KCNT2: variants seen among roughly 807,000 people sequenced by gnomAD.
The protein encoded by KCNT2 is potassium channel subfamily T member 2.
A neutral mutation model predicts 153.8 loss-of-function variants in KCNT2; 67 were observed. That is an observed-to-expected ratio of 0.44 (90% confidence interval 0.36 to 0.53). The LOEUF (loss-of-function observed/expected upper bound fraction) is 0.53, where lower values mean the gene tolerates loss of function less well. KCNT2 is among the 20% of genes least tolerant of loss of function. KCNT2 has a pLI of 0.00. For missense variants in KCNT2, 975 were observed against 1,354.8 expected (o/e 0.72, Z 4.40); for synonymous variants, 500 against 458.8 (o/e 1.09, Z -1.15).
intron 13 of KCNT2, among the ~76,000 whole-genome samples, chr1:196,375,724 T>C (rs568819145): frequency 1.3e-5 from 2 of 151,854 alleles, no homozygotes; most frequent in East Asian, 3.9e-4. Context: ...TTCAAAATAG[T>C]GTAGGAAGTG....
intron 3 of KCNT2, among the ~76,000 whole-genome samples, chr1:196,482,948 G>T (rs1166686623): frequency 5.9e-5 from 9 of 151,980 alleles, no homozygotes; most frequent in Admixed American, 3.3e-4. Flanking sequence ...TGATAAAAAG[G>T]CTTATGCTCT....
intron 1 of KCNT2, among the ~76,000 whole-genome samples, chr1:196,512,249 C>G (rs146936842): frequency 1.3e-5 from 2 of 152,270 alleles, no homozygotes; most frequent in East Asian, 3.9e-4. Context: ...TCAGCTGGCT[C>G]TTTCTGCTCT....
At chr1:196,322,180 C>T (rs529788387) in intron 19 of KCNT2, among the ~76,000 whole-genome samples, 8 of 151,884 alleles carry the variant, frequency 5.3e-5, no homozygotes, top group South Asian at 4.2e-4. Context: ...GGCTTATTTA[C>T]GTTGGGAATT....
chr1:196,434,383 A>G (rs1342627140), intron 8 of KCNT2, among the ~76,000 whole-genome samples: 1 of 152,052 alleles, frequency 6.6e-6, no homozygotes, highest in African/African-American at 2.4e-5. Flanking sequence ...TATAGTTAAA[A>G]TGTATATTTC....
chr1:196,495,764 T>C (rs1031206897), intron 1 of KCNT2, among the ~76,000 whole-genome samples: 1 of 152,192 alleles, frequency 6.6e-6, no homozygotes, highest in Admixed American at 6.5e-5. Context: ...TTTAAAGTAA[T>C]TTTGTTACAT....
chr1:196,536,619 G>C (rs1655608892), intron 1 of KCNT2, among the ~76,000 whole-genome samples: 1 of 152,168 alleles, frequency 6.6e-6, no homozygotes, highest in Non-Finnish European at 1.5e-5. Flanking sequence ...CTTATACTCA[G>C]CATACTCCAC....
intron 22 of KCNT2, among the ~76,000 whole-genome samples, chr1:196,290,710 A>C (rs957653431): frequency 1.2e-4 from 18 of 151,958 alleles, no homozygotes; most frequent in Admixed American, 1.1e-3. Flanking sequence ...AAGGTCAGTT[A>C]TTTCCCAGAA....
chr1:196,283,572 C>T (rs142430596), intron 23 of KCNT2, among the ~76,000 whole-genome samples: 1 of 152,182 alleles, frequency 6.6e-6, no homozygotes, highest in African/African-American at 2.4e-5. Context: ...TCTTTACAGA[C>T]ACAGACCATT....
intron 4 of KCNT2, among the ~76,000 whole-genome samples, chr1:196,480,742 G>A (rs1432330076): frequency 6.6e-6 from 1 of 150,702 alleles, no homozygotes; most frequent in East Asian, 2.0e-4. Context: ...TGTAGTCCCA[G>A]CTACTCCGGA....
chr1:196,258,120 T>G, intron 26 of KCNT2, 74 bp downstream of exon 26: 2 of 1,521,388 alleles, frequency 1.3e-6, no homozygotes, highest in Non-Finnish European at 1.8e-6. Context: ...CTTTATTAAA[T>G]TAGAACCAAC....
chr1:196,272,030 G>A (rs1333552547), intron 25 of KCNT2, among the ~76,000 whole-genome samples: 1 of 151,858 alleles, frequency 6.6e-6, no homozygotes, highest in Admixed American at 6.6e-5. Context: ...CTTCTACCTT[G>A]TGAAATGATA....
chr1:196,381,178 T>C (rs565463179), intron 13 of KCNT2, among the ~76,000 whole-genome samples: 2 of 152,264 alleles, frequency 1.3e-5, no homozygotes, highest in South Asian at 2.1e-4. Context: ...ACAATAAATA[T>C]AATCTTTTTT....
At chr1:196,447,608 G>T (rs1419664866) in intron 8 of KCNT2, among the ~76,000 whole-genome samples, 1 of 151,562 alleles carries the variant, frequency 6.6e-6, no homozygotes, top group East Asian at 2.0e-4. Context: ...TGCAGAGCTG[G>T]ATGTAAAGAT....
intron 26 of KCNT2, among the ~76,000 whole-genome samples, chr1:196,236,333 G>A (rs946788265): frequency 2.0e-4 from 30 of 151,392 alleles, no homozygotes; most frequent in South Asian, 1.2e-3. Flanking sequence ...ATAGTTTACC[G>A]TTTATTACAC....
At chr1:196,340,271 G>T (rs1665489860) in intron 16 of KCNT2, 70 bp downstream of exon 16, 2 of 936,038 alleles carry the variant, frequency 2.1e-6, no homozygotes, top group Non-Finnish European at 3.1e-6. Flanking sequence ...AAATTTAAAT[G>T]CATTGGTATT....
At chr1:196,489,968 A>C in intron 2 of KCNT2, 31 bp from the exon 3 acceptor site, 1 of 1,038,786 alleles carries the variant, frequency 9.6e-7, no homozygotes, top group Admixed American at 2.6e-5. Flanking sequence ...TTTGATTTTC[A>C]TCTGAACTTA....
intron 13 of KCNT2, among the ~76,000 whole-genome samples, chr1:196,387,054 C>T (rs1181724976): frequency 4.6e-5 from 7 of 151,912 alleles, no homozygotes; most frequent in African/African-American, 1.4e-4. Flanking sequence ...TAACCATTCA[C>T]AAATTTTATC....
chr1:196,375,062 T>A (rs927182347), intron 13 of KCNT2, among the ~76,000 whole-genome samples: 1 of 151,828 alleles, frequency 6.6e-6, no homozygotes, highest in African/African-American at 2.4e-5. Flanking sequence ...TATCTCATTG[T>A]ATTTTCCTTC....
At chr1:196,441,516 T>A (rs1331523284) in intron 8 of KCNT2, among the ~76,000 whole-genome samples, 1 of 151,126 alleles carries the variant, frequency 6.6e-6, no homozygotes, top group African/African-American at 2.4e-5. Flanking sequence ...CCAAACAGAG[T>A]GCTAAGTGTT....
Sources: allele counts gnomAD v4.1 joint callset (sites outside exome capture counted in the v4.1 genomes callset), GRCh38; gene constraint gnomAD v4.1.1; transcripts MANE v1.5; gene names NCBI Gene and HGNC (gene_info 2026-07-23, HGNC 2026-07-21).